Variants in BOLL observed in about 807,000 individuals in gnomAD.
The protein encoded by BOLL is protein boule-like.
In BOLL, 23 loss-of-function variants were observed where a neutral mutation model predicts 44.4. That is an observed-to-expected ratio of 0.52 (90% CI 0.37 to 0.73). The LOEUF (loss-of-function observed/expected upper bound fraction) is 0.73, where lower values mean the gene tolerates loss of function less well. Ranked by LOEUF, BOLL falls within the 30% of genes least tolerant of loss-of-function variation. BOLL has a pLI of 0.00. For synonymous variants in BOLL, 97 were observed against 110.8 expected, an observed-to-expected ratio of 0.88 and a Z score of 0.78; for missense variants, 287 against 338.3, an observed-to-expected ratio of 0.85 and a Z score of 1.19.
At chr2:197,758,644 C>T (rs1247284433) in intron 7 of BOLL, among the ~76,000 whole-genome samples, 1 of 152,076 alleles carries the variant, frequency 6.6e-6, no homozygotes, top group Non-Finnish European at 1.5e-5. Flanking sequence ...GGTCTGCAAG[C>T]CATAGTTTGA....
At chr2:197,760,937 A>G (rs1688727371) in intron 7 of BOLL, among the ~76,000 whole-genome samples, 1 of 152,186 alleles carries the variant, frequency 6.6e-6, no homozygotes, top group Non-Finnish European at 1.5e-5. Context: ...TGATATATTT[A>G]GATATATTCA....
chr2:197,772,824 C>G (rs763681584), intron 5 of BOLL, among the ~76,000 whole-genome samples: 2 of 151,926 alleles, frequency 1.3e-5, no homozygotes, highest in East Asian at 3.9e-4. Flanking sequence ...ACAATTCTTC[C>G]ACCTATACCA....
At chr2:197,766,807 T>C (rs1689021234) in intron 6 of BOLL, among the ~76,000 whole-genome samples, 1 of 152,032 alleles carries the variant, frequency 6.6e-6, no homozygotes, top group South Asian at 2.1e-4. Flanking sequence ...GTGGTTTCAT[T>C]TCCATAGTAA....
At chr2:197,783,836 C>T (rs1689909056) in intron 1 of BOLL, among the ~76,000 whole-genome samples, 1 of 152,148 alleles carries the variant, frequency 6.6e-6, no homozygotes, top group African/African-American at 2.4e-5. Flanking sequence ...TCTTGTCTTT[C>T]TGCCCATTTG....
intron 7 of BOLL, among the ~76,000 whole-genome samples, chr2:197,761,531 G>A (rs1688756476): frequency 6.6e-6 from 1 of 152,044 alleles, no homozygotes; most frequent in African/African-American, 2.4e-5. Flanking sequence ...CAAAAAGAGA[G>A]GGAACAATGA....
intron 8 of BOLL, 88 bp from the exon 9 acceptor site, chr2:197,756,644 T>G (rs1342010276): frequency 7.8e-7 from 1 of 1,286,070 alleles, no homozygotes; most frequent in Admixed American, 3.1e-5. Flanking sequence ...AGAGAAGTAC[T>G]TGTTTTTTAT....
Position 197,734,199 on chromosome 2 carries a change from AAC to A in BOLL, c.829-5623_829-5622del, listed in dbSNP as rs548321565. 3.6e-3 allele frequency among the ~76,000 whole-genome samples: 538 copies of A among 151,548 alleles called. 2 individuals carry two copies. The highest frequency in any genetic ancestry group is 6.0e-3 in the Non-Finnish European group (404 of 67,792). On this transcript the variant is annotated intron_variant, in intron 10 of 10. Transcript: ENST00000392296. ...AAAGAAGACATTTATGCAGCCAAAA[AAC>A]ACATGAAAAAATGCTCATCATCACT...
chr2:197,735,277 T>A (rs1018997091), intron 10 of BOLL, among the ~76,000 whole-genome samples: 2 of 152,128 alleles, frequency 1.3e-5, no homozygotes, highest in Non-Finnish European at 2.9e-5. Flanking sequence ...TGGTAGGCCT[T>A]TTCAATTTAG....
At chr2:197,756,628 C>A in intron 8 of BOLL, 72 bp from the exon 9 acceptor site, 1 of 1,384,544 alleles carries the variant, frequency 7.2e-7, no homozygotes, top group African/African-American at 1.5e-5. Flanking sequence ...ACTTAGCCAA[C>A]AGATGAGAGA....
intron 10 of BOLL, among the ~76,000 whole-genome samples, chr2:197,735,913 C>T (rs1174100338): frequency 6.6e-6 from 1 of 152,022 alleles, no homozygotes; most frequent in East Asian, 1.9e-4. Flanking sequence ...CGTGGCTGCA[C>T]GTCATAGTTA....
At chr2:197,749,285 C>A (rs1688126912) in intron 9 of BOLL, among the ~76,000 whole-genome samples, 1 of 152,142 alleles carries the variant, frequency 6.6e-6, no homozygotes, top group African/African-American at 2.4e-5. Flanking sequence ...TGAGGAAAAA[C>A]CAGCACAAAA....
intron 6 of BOLL, among the ~76,000 whole-genome samples, chr2:197,771,117 G>A (rs1247193865): frequency 6.6e-6 from 1 of 152,132 alleles, no homozygotes; most frequent in African/African-American, 2.4e-5. Flanking sequence ...ATCAATGATA[G>A]AGTGGATTAA....
chr2:197,781,158 G>A (rs1258010259), intron 2 of BOLL, among the ~76,000 whole-genome samples: 1 of 151,454 alleles, frequency 6.6e-6, no homozygotes, highest in African/African-American at 2.4e-5. Flanking sequence ...TTTTTTTTCT[G>A]CTTAAATATA....
intron 7 of BOLL, among the ~76,000 whole-genome samples, chr2:197,760,285 A>G (rs1236316470): frequency 6.6e-6 from 1 of 151,956 alleles, no homozygotes; most frequent in South Asian, 2.1e-4. Flanking sequence ...GCAGTTGTGC[A>G]CCTGCATCCT....
intron 6 of BOLL, among the ~76,000 whole-genome samples, chr2:197,771,092 C>T (rs760221546): frequency 6.6e-6 from 1 of 152,020 alleles, no homozygotes; most frequent in Non-Finnish European, 1.5e-5. Flanking sequence ...AGACTTGGAA[C>T]CAACCCAAAT....
At chr2:197,782,912 CTAAG>C (rs1487729906) in intron 1 of BOLL, among the ~76,000 whole-genome samples, 1 of 151,920 alleles carries the variant, frequency 6.6e-6, no homozygotes, top group Non-Finnish European at 1.5e-5. Flanking sequence ...GTTCACAATT[CTAAG>C]TTAGAGGACA....
chr2:197,777,137 CTAAT>C (rs1689550551), intron 3 of BOLL, 24 bp from the exon 4 acceptor site: 7 of 1,378,278 alleles, frequency 5.1e-6, no homozygotes, highest in East Asian at 2.4e-5. Flanking sequence ...TTAATTATTA[CTAAT>C]TAATCATTTT....
chr2:197,743,407 G>A (rs988376058), intron 9 of BOLL, among the ~76,000 whole-genome samples: 2 of 152,186 alleles, frequency 1.3e-5, no homozygotes, highest in Non-Finnish European at 2.9e-5. Flanking sequence ...ACATGTATAG[G>A]GATGCAACAG....
chr2:197,742,671 G>C (rs893926165), intron 10 of BOLL, among the ~76,000 whole-genome samples: 1 of 152,110 alleles, frequency 6.6e-6, no homozygotes, highest in East Asian at 1.9e-4. Context: ...TTGTGGGGTG[G>C]GGGGAGTGGG....
Sources: allele counts gnomAD v4.1 joint callset (sites outside exome capture counted in the v4.1 genomes callset), GRCh38; gene constraint gnomAD v4.1.1; transcripts MANE v1.5; gene names NCBI Gene and HGNC (gene_info 2026-07-23, HGNC 2026-07-21).